TBXAS1: variants seen among roughly 807,000 people sequenced by gnomAD.
The protein encoded by TBXAS1 is thromboxane-A synthase.
TBXAS1 carries 48 observed loss-of-function variants against 60.7 expected under a neutral mutation model. The observed-to-expected ratio is 0.79, with a 90% CI of 0.63 to 1.01. The LOEUF is 1.01. Among genes scored for constraint, TBXAS1 ranks in the 50% least tolerant of loss-of-function variants. TBXAS1 has a pLI of 0.00. For synonymous variants in TBXAS1, 287 were observed against 269.7 expected (o/e 1.06, Z -0.63); for missense variants, 685 against 686.3 (o/e 1.00, Z 0.02).
intron 3 of TBXAS1, among the ~76,000 whole-genome samples, chr7:139,892,705 C>T (rs1803729708): frequency 6.6e-6 from 1 of 152,332 alleles, no homozygotes; most frequent in East Asian, 1.9e-4. Context: ...CAGAGCCCTC[C>T]CAGGGCAGAC....
chr7:139,959,430 T>C (rs1448428238), intron 8 of TBXAS1, among the ~76,000 whole-genome samples: 2 of 152,176 alleles, frequency 1.3e-5, no homozygotes. Flanking sequence ...GTATTTTCCT[T>C]GGATAGGACC....
At chr7:139,957,905 G>A in intron 8 of TBXAS1, 141 bp downstream of exon 8, 1 of 1,265,822 alleles carries the variant, frequency 7.9e-7, no homozygotes, top group South Asian at 1.3e-5. Context: ...CAGCTTCCAG[G>A]GACAGTGGAG....
chr7:139,910,397 G>A (rs1240699950), intron 3 of TBXAS1, among the ~76,000 whole-genome samples: 1 of 152,160 alleles, frequency 6.6e-6, no homozygotes, highest in Non-Finnish European at 1.5e-5. Context: ...AGCACTTTGG[G>A]AGGCCGAGGT....
rs1316443412 is a variant in TBXAS1 at position 139,986,739 on chromosome 7, ACATACATATATATATATG to A, written c.1135-20351_1135-20334del. On this transcript the variant is annotated intron_variant, in intron 9 of 12. Coordinates refer to ENST00000448866, the MANE Select transcript of TBXAS1 (RefSeq NM_001061.7). ...TATTCCATCATATATATATATATAT[ACATACATATATATATATG>A]TGTGTGTGTGTGTGTGTGTGTGTGT... Among the ~76,000 whole-genome samples, 54 of 41,608 alleles carry A rather than the reference ACATACATATATATATATG, an allele frequency of 1.3e-3. 1 individual carries two copies. Among genetic ancestry groups the A allele is most frequent in the African/African-American group, 5.5e-3 (46 of 8,388 alleles). The allele number at this position is 41,608 out of a possible 152,430, so 27.3% of individuals were successfully genotyped here. A position where few individuals can be genotyped will look rare whatever the true frequency, so the allele number is the denominator to read the frequency against.
At chr7:139,794,175 C>T (rs1403555701) in intron 4 of TBXAS1, among the ~76,000 whole-genome samples, 4 of 151,888 alleles carry the variant, frequency 2.6e-5, no homozygotes, top group African/African-American at 9.7e-5. Context: ...GATCTCGGCT[C>T]GCTGCAACCT....
chr7:139,913,072 G>T (rs1479460631), intron 4 of TBXAS1: 1 of 699,562 alleles, frequency 1.4e-6, no homozygotes. Flanking sequence ...CAGCCCCAGA[G>T]CATCATGCCC....
At chr7:139,913,517 A>G (rs1028486599) in intron 4 of TBXAS1, 1 of 242,060 alleles carries the variant, frequency 4.1e-6, no homozygotes, top group African/African-American at 2.1e-5. Context: ...TGATACCAGG[A>G]CATGTGACCC....
At position 140,004,005 on chromosome 7, in the gene TBXAS1, C is replaced by T. The variant is rs1813878416; in HGVS notation, c.1135-3086C>T. 6.6e-6 allele frequency among the ~76,000 whole-genome samples: 1 copy of T among 152,166 alleles called. No homozygotes were observed. Among genetic ancestry groups the T allele is most frequent in the African/African-American group, 2.4e-5 (1 of 41,430 alleles). On this transcript the variant is annotated intron_variant, in intron 9 of 12. Transcript: ENST00000448866. This position sits in a 1 kb window ranked among gnomAD's most constrained non-coding sequence, Gnocchi z 5.1. ...TCTGCTTTGTTGTATACATCTGATT[C>T]ATTTCTTCTTTCTTGAGGCCAACTG...
chr7:139,825,193 C>T (rs6969517), upstream of TBXAS1, among the ~76,000 whole-genome samples: 76,464 of 151,702 alleles, frequency 0.5, 20,306 homozygotes, highest in East Asian at 0.88. Context: ...AGTGAAATTA[C>T]GGGAAATATG....
At chr7:139,984,691 AAG>A (rs1447399883) in intron 9 of TBXAS1, among the ~76,000 whole-genome samples, 5 of 149,014 alleles carry the variant, frequency 3.4e-5, no homozygotes, top group African/African-American at 9.9e-5. Flanking sequence ...AGAAGAAAGA[AAG>A]AAGAAAGAAA....
chr7:139,938,826 G>T (rs1372810533), intron 5 of TBXAS1, among the ~76,000 whole-genome samples: 1 of 152,150 alleles, frequency 6.6e-6, no homozygotes, highest in East Asian at 1.9e-4. Flanking sequence ...AAGAAGAAAA[G>T]GAAGCAAGGA....
rs566048452 is a variant in TBXAS1 at position 139,953,707 on chromosome 7, C to T, written c.539+251C>T. On this transcript the variant is annotated intron_variant, in intron 6 of 12. Coordinates refer to ENST00000448866, the MANE Select transcript of TBXAS1 (RefSeq NM_001061.7). ...ATCCACCCTCTGACCTCCACAGACC[C>T]AGGAATGGGCAGGACAGGCCTGCGC... 1.5e-3 allele frequency among the ~76,000 whole-genome samples: 233 copies of T among 152,328 alleles called. 1 individual carries two copies. Among genetic ancestry groups the T allele is most frequent in the Admixed American group, 2.4e-3 (36 of 15,306 alleles).
intron 1 of TBXAS1, among the ~76,000 whole-genome samples, chr7:139,856,777 C>T (rs1268774396): frequency 6.6e-6 from 1 of 152,164 alleles, no homozygotes; most frequent in Non-Finnish European, 1.5e-5. Flanking sequence ...CACTGAGCAT[C>T]CTCCATACAA....
chr7:139,942,845 G>C (rs1385084568), intron 5 of TBXAS1, among the ~76,000 whole-genome samples: 1 of 152,192 alleles, frequency 6.6e-6, no homozygotes, highest in African/African-American at 2.4e-5. Flanking sequence ...AATAATGTAT[G>C]AATCTTAAAG....
At chr7:139,932,024 A>G (rs1274050623) in intron 4 of TBXAS1, among the ~76,000 whole-genome samples, 1 of 151,932 alleles carries the variant, frequency 6.6e-6, no homozygotes, top group East Asian at 1.9e-4. Flanking sequence ...ACTCTTAAAA[A>G]TTATTAAGAT....
At chr7:139,802,217 T>G (rs1287272927) in intron 4 of TBXAS1, among the ~76,000 whole-genome samples, 1 of 152,242 alleles carries the variant, frequency 6.6e-6, no homozygotes, top group African/African-American at 2.4e-5. Flanking sequence ...GTATTTCCAT[T>G]TTCTACAGTA....
intron 9 of TBXAS1, among the ~76,000 whole-genome samples, chr7:140,003,703 G>C (rs2116361090): frequency 6.6e-6 from 1 of 152,262 alleles, no homozygotes; most frequent in East Asian, 1.9e-4. Flanking sequence ...ACCCATTAGG[G>C]ATGCTGCTTC....
chr7:139,928,961 G>C (rs867162441), intron 4 of TBXAS1, among the ~76,000 whole-genome samples: 11 of 152,292 alleles, frequency 7.2e-5, no homozygotes, highest in Middle Eastern at 3.4e-3. Flanking sequence ...AAGTGAATAA[G>C]AGTTAGCAGG....
chr7:139,805,728 C>CTCTCTCTTTCTT (rs1554466283), intron 4 of TBXAS1, among the ~76,000 whole-genome samples: 2 of 111,000 alleles, frequency 1.8e-5, no homozygotes, highest in Non-Finnish European at 3.3e-5. Context: ...CTCTCTCTCT[C>CTCTCTCTTTCTT]TCTTTCTTTC....
Sources: allele counts gnomAD v4.1 joint callset (sites outside exome capture counted in the v4.1 genomes callset), GRCh38; gene constraint gnomAD v4.1.1; non-coding constraint Gnocchi (gnomAD v3.1); transcripts MANE v1.5; gene names NCBI Gene and HGNC (gene_info 2026-07-23, HGNC 2026-07-21).